The following FAH variants were observed in gnomAD, a reference collection of about 807,000 sequenced individuals.
The protein encoded by FAH is fumarylacetoacetase.
FAH carries 47 observed loss-of-function variants against 55.8 expected under a neutral mutation model. The observed-to-expected ratio is 0.84, with a 90% CI of 0.67 to 1.07. FAH has a LOEUF of 1.07. Among genes scored for constraint, FAH ranks in the 50% least tolerant of loss-of-function variants. The probability of loss-of-function intolerance (pLI) is 0.00; values close to 1 mark genes in which losing one functional copy is unlikely to be tolerated. For synonymous variants in FAH, 199 were observed against 207.7 expected, an observed-to-expected ratio of 0.96 and a Z score of 0.36; for missense variants, 495 against 545.9, an observed-to-expected ratio of 0.91 and a Z score of 0.93.
At chr15:80,157,747 A>G (rs1213141228) in intron 1 of FAH, 7 of 426,062 alleles carry the variant, frequency 1.6e-5, no homozygotes, top group Non-Finnish European at 2.6e-5. Flanking sequence ...TGTAATGCCT[A>G]GGGAACTTTG....
At chr15:80,175,587 C>G (rs142276960) in intron 10 of FAH, among the ~76,000 whole-genome samples, 204 of 152,258 alleles carry the variant, frequency 1.3e-3, no homozygotes, top group Admixed American at 2.4e-3. Context: ...CAGACAGACC[C>G]GAGATCCCCA....
intron 13 of FAH, among the ~76,000 whole-genome samples, chr15:80,184,699 C>T (rs939021657): frequency 3.9e-5 from 6 of 152,166 alleles, no homozygotes; most frequent in Non-Finnish European, 7.3e-5. Context: ...GGCATCCCTG[C>T]ATGTTGTCAG....
chr15:80,176,761 G>T (rs2041287969), intron 10 of FAH, among the ~76,000 whole-genome samples: 1 of 152,238 alleles, frequency 6.6e-6, no homozygotes, highest in African/African-American at 2.4e-5. Flanking sequence ...CCGCCCGGGG[G>T]AGGCCACTGG....
downstream of FAH, chr15:80,186,804 T>C (rs886687731): frequency 3.0e-5 from 5 of 165,608 alleles, no homozygotes; most frequent in African/African-American, 1.2e-4. Flanking sequence ...CCAGCCACAC[T>C]GTGGGGGTCT....
At chr15:80,160,109 T>C (rs2041136044) in intron 3 of FAH, 3 of 642,374 alleles carry the variant, frequency 4.7e-6, no homozygotes, top group South Asian at 1.9e-5. Context: ...GCCAGGCCCA[T>C]TGGCCCTCTC....
At chr15:80,175,836 G>A (rs1054632879) in intron 10 of FAH, among the ~76,000 whole-genome samples, 4 of 152,100 alleles carry the variant, frequency 2.6e-5, no homozygotes, top group Non-Finnish European at 4.4e-5. Flanking sequence ...GACCAAACAT[G>A]TCAATTCATG....
intron 10 of FAH, among the ~76,000 whole-genome samples, chr15:80,175,416 G>T (rs1428846095): frequency 6.6e-6 from 1 of 152,088 alleles, no homozygotes; most frequent in Non-Finnish European, 1.5e-5. Context: ...CTCACATATC[G>T]CCACTGACCC....
At chr15:80,178,606 A>G (rs1392225763) in intron 11 of FAH, among the ~76,000 whole-genome samples, 2 of 143,166 alleles carry the variant, frequency 1.4e-5, no homozygotes, top group Non-Finnish European at 3.0e-5. Context: ...TTTTTTTGAG[A>G]TGGAGTCTCG....
chr15:80,176,624 G>A (rs979319169), intron 10 of FAH, among the ~76,000 whole-genome samples: 1 of 152,204 alleles, frequency 6.6e-6, no homozygotes. Context: ...TAATGGCAGG[G>A]CTGGGACTCA....
At chr15:80,155,845 A>G (rs1423685662) in intron 1 of FAH, 1 of 461,186 alleles carries the variant, frequency 2.2e-6, no homozygotes, top group Non-Finnish European at 4.3e-6. Context: ...ATAAGTCAGC[A>G]TTTTCTTCTA....
At chr15:80,185,938 A>G (rs1468203283) in intron 13 of FAH, among the ~76,000 whole-genome samples, 192 bp from the exon 14 acceptor site, 1 of 152,162 alleles carries the variant, frequency 6.6e-6, no homozygotes, top group Non-Finnish European at 1.5e-5. Flanking sequence ...GTTCTAGTCC[A>G]AGGGCTCCTG....
At chr15:80,154,551 C>G (rs928958180) in intron 1 of FAH, among the ~76,000 whole-genome samples, 1 of 152,226 alleles carries the variant, frequency 6.6e-6, no homozygotes. Context: ...GCTGAACAAG[C>G]CTCTTCTGAA....
At chr15:80,165,453 G>A (rs56860430) in intron 5 of FAH, among the ~76,000 whole-genome samples, 183 of 151,824 alleles carry the variant, frequency 1.2e-3, no homozygotes, top group African/African-American at 3.4e-3. Flanking sequence ...ACTTGAACCT[G>A]GGAGGCGGAG....
In FAH at chr15:80,159,796, G is replaced by A. The variant is rs1268482591; in HGVS notation, c.233G>A (p.Trp78Ter). 1.2e-6 allele frequency: 2 copies of A among 1,614,114 alleles called. No homozygotes were observed. The highest frequency in any genetic ancestry group is 3.3e-5 in the Admixed American group (2 of 60,008). ...NSFMGLGQAAWKEARVFLQNL... is the reference protein window; with the variant it reads ...NSFMGLGQAA ...TTCATGGGCCTGGGTCAGGCTGCCT[G>A]GAAGGAGGCGAGAGTGTTCTTGCAG... is the stretch of plus-strand genomic sequence containing the variant. The change falls in exon 3 of 14, where the codon TGG (tryptophan) becomes TAG (stop). Residue 78 changes from tryptophan to a stop codon, truncating the protein, a stop_gained. Coordinates refer to ENST00000561421, the MANE Select transcript of FAH (RefSeq NM_000137.4). LOFTEE classifies it high-confidence loss of function.
intron 1 of FAH, among the ~76,000 whole-genome samples, chr15:80,155,661 A>T (rs1321969287): frequency 1.3e-5 from 2 of 152,124 alleles, no homozygotes; most frequent in Non-Finnish European, 2.9e-5. Context: ...TGAGACACAG[A>T]GACCGGTAGT....
intron 5 of FAH, 52 bp from the exon 6 acceptor site, chr15:80,168,000 G>T: frequency 6.9e-7 from 1 of 1,449,020 alleles, no homozygotes; most frequent in South Asian, 1.1e-5. Context: ...AAAGTTAATT[G>T]ACAACATATA....
intron 11 of FAH, among the ~76,000 whole-genome samples, chr15:80,178,364 A>C (rs1447231166): frequency 6.6e-6 from 1 of 152,118 alleles, no homozygotes; most frequent in Non-Finnish European, 1.5e-5. Flanking sequence ...TCCCTCCAGC[A>C]AAGGTCACTC....
At chr15:80,163,747 T>A (rs1172515842) in intron 5 of FAH, 1 of 152,244 alleles carries the variant, frequency 6.6e-6, no homozygotes, top group Non-Finnish European at 1.5e-5. Context: ...CTCTTTGACC[T>A]GCAATGCTCA....
rs540123693 is a variant in FAH at position 80,178,925 on chromosome 15, C to T, written c.961-1199C>T. Among the ~76,000 whole-genome samples, 4 of 152,290 alleles carry T rather than the reference C, an allele frequency of 2.6e-5. No individual in the cohort carries two copies. The East Asian group carries it at 5.8e-4, about 22-fold the overall frequency. ...TTGTAAGTCACATCAATTCCACAAT[C>T]GATGGACATTTGGTTGTTTCCGTTG... On this transcript the variant is annotated intron_variant, in intron 11 of 13. Coordinates refer to ENST00000561421, the MANE Select transcript of FAH (RefSeq NM_000137.4).
Sources: gnomAD v4.1 joint callset for allele counts (sites outside exome capture counted in the v4.1 genomes callset) on GRCh38, gnomAD v4.1.1 for gene constraint, MANE v1.5 for transcripts, NCBI Gene and HGNC (gene_info 2026-07-23, HGNC 2026-07-21) for gene names.